Variants in IGSF9 observed in about 807,000 individuals in gnomAD.
The protein encoded by IGSF9 is immunoglobulin superfamily member 9.
IGSF9 carries 87 observed loss-of-function variants against 121.7 expected under a neutral mutation model. The observed-to-expected ratio is 0.71, with a 90% CI of 0.60 to 0.85. The LOEUF is 0.85. Among genes scored for constraint, IGSF9 ranks in the 40% least tolerant of loss-of-function variants. The pLI is 0.00. For synonymous variants in IGSF9, 640 were observed against 648.4 expected (o/e 0.99, Z 0.20); for missense variants, 1,462 against 1,565.3 (o/e 0.93, Z 1.11).
At position 159,936,640 on chromosome 1, in the gene IGSF9, T is replaced by A. The variant is rs377153580; in HGVS notation, c.555+114A>T. 251 of 1,529,560 alleles carry A rather than the reference T, an allele frequency of 1.6e-4. 1 individual carries two copies. The East Asian group carries it at 4.7e-3, about 28-fold the overall frequency. 94.7% of individuals were successfully genotyped at this position (1,529,560 alleles called of 1,614,324 possible). On this transcript the variant is annotated intron_variant, in intron 5 of 20. Transcript: ENST00000368094. ...GGGGCAAACAATGCCAAGCCCTTCT[T>A]CTGGCCCATCCTCCAGCCTGGCCTT...
Position 159,931,860 on chromosome 1 carries a change from G to A in IGSF9, c.1314C>T (p.Ile438=), listed in dbSNP as rs763749964. Residue 438 remains isoleucine, a synonymous_variant, in exon 11 of 21, where the codon ATC becomes ATT. Transcript: ENST00000368094. The surrounding 1 kb of genome is among the most constrained non-coding windows in gnomAD (Gnocchi z 4.8). ...YFQEVGRELL[I]PCSAQGDPPP... ...GAGGGTCCCCTTGGGCGGAGCAGGG[G>A]ATGAGCAGCTCCCGCCCTACTTCTT... 6.3e-7 allele frequency: 1 copy of A among 1,596,994 alleles called. No individual in the cohort carries two copies. The highest frequency in any genetic ancestry group is 2.2e-5 in the East Asian group (1 of 44,774).
In IGSF9 at chr1:159,930,187, A is replaced by G. The variant is rs1352836501; in HGVS notation, c.2064+2T>C. 1 of 1,603,040 alleles carries G rather than the reference A, an allele frequency of 6.2e-7. No homozygotes were observed. Among genetic ancestry groups the G allele is most frequent in the Non-Finnish European group, 8.5e-7 (1 of 1,173,648 alleles). Reference sequence around the variant, plus strand: ...TCTCTCTGTATCGCCTTTCGCACATACCTTGATGAGGCCTGGCACCAGCAG... The same window carrying G: ...TCTCTCTGTATCGCCTTTCGCACATGCCTTGATGAGGCCTGGCACCAGCAG... On this transcript the variant is annotated splice_donor_variant, in intron 15 of 20. Coordinates refer to ENST00000368094, the MANE Select transcript of IGSF9 (RefSeq NM_001135050.2). LOFTEE classifies it high-confidence loss of function.
intron 3 of IGSF9, 56 bp from the exon 4 acceptor site, chr1:159,937,894 C>A (rs1377023589): frequency 1.3e-6 from 2 of 1,548,530 alleles, no homozygotes; most frequent in East Asian, 2.3e-5. Flanking sequence ...AAGCCCCAGT[C>A]CCCTGGTCAC....
Position 159,934,080 on chromosome 1 carries a change from A to C in IGSF9, c.1104+110T>G, listed in dbSNP as rs978260591. 1.4e-5 allele frequency: 17 copies of C among 1,239,228 alleles called. No individual in the cohort carries two copies. The Admixed American group carries it at 3.7e-4, about 27-fold the overall frequency. The allele number at this position is 1,239,228 out of a possible 1,614,324, so 76.8% of individuals were successfully genotyped here. On this transcript the variant is annotated intron_variant, in intron 9 of 20. Transcript: ENST00000368094. The stretch of plus-strand genomic sequence containing the variant: ...ATAACACAAATTAAATTCACAAAAG[A>C]TGTGTGTCCCCAGTCACTGAACTGA...
Position 159,934,574 on chromosome 1 carries a change from C to T in IGSF9, c.816-4G>A. On this transcript the variant is annotated splice_polypyrimidine_tract_variant and splice_region_variant and intron_variant, in intron 7 of 20. Coordinates refer to ENST00000368094, the MANE Select transcript of IGSF9 (RefSeq NM_001135050.2). ...CCGCACCCGGGGCTGCAGGCGGCTG[C>T]AATGTGGCATGTGTGAGGAGGGGTC... The T allele has an allele frequency of 1.9e-6, 3 of 1,613,658 alleles. No individual in the cohort carries two copies. The highest frequency in any genetic ancestry group is 1.3e-5 in the African/African-American group (1 of 75,054).
Position 159,934,523 on chromosome 1 carries a change from A to T in IGSF9, c.863T>A (p.Leu288Gln), listed in dbSNP as rs1405941559. Residue 288 changes from leucine to glutamine, a missense_variant, in exon 8 of 21, where the codon CTG becomes CAG. Coordinates refer to ENST00000368094, the MANE Select transcript of IGSF9 (RefSeq NM_001135050.2). ...VRILVDGSLR[L>Q]LATQPDDAGC... ...GGCATCATCAGGCTGGGTGGCCAGC[A>T]GCCGCAGGCTCCCGTCCACCAGGAT... 1.2e-6 allele frequency: 2 copies of T among 1,613,508 alleles called. No homozygotes were observed. The highest frequency in any genetic ancestry group is 1.7e-6 in the Non-Finnish European group (2 of 1,179,756).
In IGSF9 at chr1:159,942,829, C is replaced by T. The variant is rs1571222259; in HGVS notation, c.247+134G>A. 4 of 685,410 alleles carry T rather than the reference C, an allele frequency of 5.8e-6. No individual in the cohort carries two copies. The South Asian group carries it at 7.5e-5, about 13-fold the overall frequency. The allele number at this position is 685,410 out of a possible 1,614,324, so 42.5% of individuals were successfully genotyped here. A position where few individuals can be genotyped will look rare whatever the true frequency, so the allele number is the denominator to read the frequency against. On this transcript the variant is annotated intron_variant, in intron 3 of 20. Coordinates refer to ENST00000368094, the MANE Select transcript of IGSF9 (RefSeq NM_001135050.2). ...TGGGAGCACAGCCATGCTTATTAAG[C>T]AGAGTTAAGGCAGCAGAGCTGGAGA...
Position 159,934,778 on chromosome 1 carries a change from C to T in IGSF9, c.718G>A (p.Ala240Thr). The T allele has an allele frequency of 6.2e-7, 1 of 1,614,190 alleles. No individual in the cohort carries two copies. Among genetic ancestry groups the T allele is most frequent in the Non-Finnish European group, 8.5e-7 (1 of 1,180,024 alleles). ...CAGGCCAATGAAACATCCTGGGAGGCATTGACTGTGCTGTTCTTGGGGGGC... is the reference window on the plus strand; with the variant it reads ...CAGGCCAATGAAACATCCTGGGAGGTATTGACTGTGCTGTTCTTGGGGGGC... ...VVPPKNSTVN[A>T]SQDVSLACHA... The change falls in exon 7 of 21, where the codon GCC becomes ACC. Residue 240 changes from alanine (A) to threonine (T), a missense_variant. By Grantham distance (58) the Ala-to-Thr change is moderately conservative. Coordinates refer to ENST00000368094, the MANE Select transcript of IGSF9 (RefSeq NM_001135050.2).
At chr1:159,933,699 T>C (rs527733708) in intron 9 of IGSF9, 1 of 168,252 alleles carries the variant, frequency 5.9e-6, no homozygotes, top group Non-Finnish European at 1.3e-5. Flanking sequence ...CCAGAATCTG[T>C]TGCTGGTCTA....
intron 13 of IGSF9, 92 bp from the exon 14 acceptor site, chr1:159,930,959 A>G: frequency 6.9e-7 from 1 of 1,440,304 alleles, no homozygotes; most frequent in South Asian, 1.4e-5. Context: ...CCTCTGCTCA[A>G]CCATCCAAGG....
intron 9 of IGSF9, chr1:159,933,359 A>G (rs1557933663): frequency 6.6e-6 from 1 of 152,354 alleles, no homozygotes; most frequent in Non-Finnish European, 1.5e-5. Flanking sequence ...ATATTCAACA[A>G]AGATATACTG....
At chr1:159,941,497 T>C (rs1169437163) in intron 3 of IGSF9, among the ~76,000 whole-genome samples, 3 of 152,258 alleles carry the variant, frequency 2.0e-5, no homozygotes, top group Non-Finnish European at 2.9e-5. Flanking sequence ...CAGAGGCTAC[T>C]GCTCACAGCC....
chr1:159,934,834 A>T lies in IGSF9; in HGVS notation c.674-12T>A, dbSNP rs759046376. The T allele has an allele frequency of 6.2e-7, 1 of 1,613,826 alleles. No individual in the cohort carries two copies. Among genetic ancestry groups the T allele is most frequent in the Non-Finnish European group, 8.5e-7 (1 of 1,179,946 alleles). ...GATGACTGGGGGTCCTGTGGGATGC[A>T]CAAGGGGAGGAAGGTGGCCTCAGCC... On this transcript the variant is annotated splice_polypyrimidine_tract_variant and intron_variant, in intron 6 of 20. Coordinates refer to ENST00000368094, the MANE Select transcript of IGSF9 (RefSeq NM_001135050.2).
In IGSF9 at chr1:159,930,235, G is replaced by A; in HGVS notation, c.2018C>T (p.Ala673Val). ...CAGCTCTGTTTCTGTGCCTGCCACA[G>A]CCGGGTCCAGCACCTCCCAGCCCTG... is the stretch of plus-strand genomic sequence containing the variant. ...GSQGWEVLDP[A>V]VAGTETELLV... Residue 673 changes from alanine to valine, a missense_variant, in exon 15 of 21, where the codon GCT (alanine) becomes GTT (valine). By Grantham distance (64) the Ala-to-Val change is moderately conservative. Around this residue, in one of 3 missense-constraint regions of IGSF9, gnomAD observed 808 missense variants for 815.2 expected, o/e 0.99. Coordinates refer to ENST00000368094, the MANE Select transcript of IGSF9 (RefSeq NM_001135050.2). 1 of 1,613,434 alleles carries A rather than the reference G, an allele frequency of 6.2e-7. No individual in the cohort carries two copies. The highest frequency in any genetic ancestry group is 1.3e-5 in the African/African-American group (1 of 74,970).
Position 159,943,578 on chromosome 1 carries a change from G to T in IGSF9, c.-124C>A. On this transcript the variant is annotated 5_prime_UTR_variant, in exon 2 of 21. Coordinates refer to ENST00000368094, the MANE Select transcript of IGSF9 (RefSeq NM_001135050.2). ...GCTCTCACTCTTCTGTACAGTGAGG[G>T]CTTGGCTCATGTAACACCCGAGGAA... The T allele has an allele frequency of 1.1e-6, 1 of 874,018 alleles. No individual in the cohort carries two copies. Among genetic ancestry groups the T allele is most frequent in the Non-Finnish European group, 1.6e-6 (1 of 612,972 alleles). The allele number at this position is 874,018 out of a possible 1,614,324, so 54.1% of individuals were successfully genotyped here.
chr1:159,938,236 G>A (rs1557936300), intron 3 of IGSF9, among the ~76,000 whole-genome samples: 5 of 152,096 alleles, frequency 3.3e-5, no homozygotes. Context: ...GAGCTCCTGG[G>A]AGTACTCCTG....
intron 3 of IGSF9, among the ~76,000 whole-genome samples, chr1:159,941,779 G>A (rs1457338417): frequency 6.6e-6 from 1 of 152,258 alleles, no homozygotes; most frequent in Admixed American, 6.5e-5. Context: ...GGCAGGGAGG[G>A]AGGGCTGGTG....
intron 4 of IGSF9, 25 bp downstream of exon 4, chr1:159,937,661 C>T (rs553109351): frequency 3.7e-6 from 6 of 1,603,994 alleles, no homozygotes; most frequent in Admixed American, 3.3e-5. Context: ...CGTCCTTCTC[C>T]ACCACCTGCC....
rs1335823596 is a variant in IGSF9 at position 159,928,542 on chromosome 1, G to A, written c.2846C>T (p.Pro949Leu). 12 of 1,553,142 alleles carry A rather than the reference G, an allele frequency of 7.7e-6. No homozygotes were observed. The South Asian group carries it at 1.3e-4, about 17-fold the overall frequency. ...GDWPPLEEPS[P>L]AAPPDYMDTR... is the part of the protein sequence containing the mutation. ...ATCCATGTAATCTGGGGGTGCAGCAGGGCTGGGCTCCTCAAGCGGGGGCCA... is the reference window on the plus strand; with the variant it reads ...ATCCATGTAATCTGGGGGTGCAGCAAGGCTGGGCTCCTCAAGCGGGGGCCA... The change falls in exon 19 of 21, where the codon CCT becomes CTT. Residue 949 changes from proline to leucine, a missense_variant. Transcript: ENST00000368094.
Sources: allele counts gnomAD v4.1 joint callset (sites outside exome capture counted in the v4.1 genomes callset), GRCh38; gene constraint gnomAD v4.1.1; regional missense constraint gnomAD v4.1.1; non-coding constraint Gnocchi (gnomAD v3.1); transcripts MANE v1.5; gene names NCBI Gene and HGNC (gene_info 2026-07-23, HGNC 2026-07-21).